Variants in NBEA observed in about 807,000 individuals in gnomAD.
NBEA encodes lysosomal-trafficking regulator 2.
NBEA carries 44 observed loss-of-function variants against 343.4 expected under a neutral mutation model. The ratio of observed to expected loss-of-function variants is 0.13; its 90% CI spans 0.10 to 0.16. NBEA has a LOEUF of 0.16. Among genes scored for constraint, NBEA ranks in the 10% least tolerant of loss-of-function variants. NBEA has a pLI of 1.00. For synonymous variants in NBEA, 1,175 were observed against 1,238.7 expected, an observed-to-expected ratio of 0.95 and a Z score of 1.08; for missense variants, 2,555 against 3,631.3, an observed-to-expected ratio of 0.70 and a Z score of 7.62.
chr13:34,965,882 C>A (rs557892564), intron 1 of NBEA, among the ~76,000 whole-genome samples: 1 of 151,848 alleles, frequency 6.6e-6, no homozygotes, highest in African/African-American at 2.4e-5. Context: ...TTGTTTGTAC[C>A]GAATGTAATA....
chr13:35,666,029 AGAAAGGAGCCTGATGCTTGGAGAAACT>A (rs1424337885), intron 56 of NBEA, among the ~76,000 whole-genome samples: 2 of 152,196 alleles, frequency 1.3e-5, no homozygotes, highest in Admixed American at 6.5e-5. Flanking sequence ...ACTCCCAGGC[AGAAAGGAGCCTGATGCTTGGAGAAACT>A]GAAAGGAGCC....
At chr13:35,328,217 A>G (rs2038702545) in intron 36 of NBEA, among the ~76,000 whole-genome samples, 1 of 152,142 alleles carries the variant, frequency 6.6e-6, no homozygotes, top group East Asian at 1.9e-4. Flanking sequence ...AATAACAAAC[A>G]TGTTAACATA....
At chr13:35,539,326 T>C (rs2153003862) in intron 41 of NBEA, among the ~76,000 whole-genome samples, 1 of 152,226 alleles carries the variant, frequency 6.6e-6, no homozygotes, top group East Asian at 1.9e-4. Flanking sequence ...AGAAGGGATC[T>C]GCCAGTCAGA....
chr13:35,409,533 A>G (rs2152915454), intron 38 of NBEA, among the ~76,000 whole-genome samples: 1 of 152,308 alleles, frequency 6.6e-6, no homozygotes, highest in South Asian at 2.1e-4. Flanking sequence ...ATGATATTTC[A>G]AAGTTCACTG....
intron 40 of NBEA, among the ~76,000 whole-genome samples, chr13:35,471,654 C>T (rs888273671): frequency 5.3e-5 from 8 of 152,220 alleles, no homozygotes; most frequent in Admixed American, 2.0e-4. Flanking sequence ...CCCTGGCAGG[C>T]ACTTCTAGTG....
chr13:35,370,004 C>A (rs2041337063), intron 38 of NBEA, among the ~76,000 whole-genome samples: 1 of 151,822 alleles, frequency 6.6e-6, no homozygotes, highest in African/African-American at 2.4e-5. Context: ...TATTCCATAG[C>A]TATTGGATGA....
intron 13 of NBEA, among the ~76,000 whole-genome samples, chr13:35,114,751 C>A (rs1228152397): frequency 6.6e-6 from 1 of 152,126 alleles, no homozygotes; most frequent in East Asian, 1.9e-4. Context: ...GTGGAATCAG[C>A]ATTTATTTTC....
chr13:35,267,706 A>G (rs2033801362), intron 34 of NBEA, among the ~76,000 whole-genome samples: 3 of 151,952 alleles, frequency 2.0e-5, no homozygotes, highest in Admixed American at 6.6e-5. Context: ...CATTTTTTCA[A>G]AAAAGTACAT....
At chr13:35,062,717 C>G (rs1483350235) in intron 8 of NBEA, among the ~76,000 whole-genome samples, 1 of 151,844 alleles carries the variant, frequency 6.6e-6, no homozygotes, top group Non-Finnish European at 1.5e-5. Context: ...GAAAAAAAAT[C>G]TGTCAACCTA....
chr13:35,465,323 A>C (rs1194171913), intron 40 of NBEA, among the ~76,000 whole-genome samples: 1 of 152,204 alleles, frequency 6.6e-6, no homozygotes, highest in Non-Finnish European at 1.5e-5. Context: ...ACAAGATAAT[A>C]ACCCCTGTCT....
At chr13:35,368,853 A>T (rs1404619310) in intron 38 of NBEA, among the ~76,000 whole-genome samples, 3 of 151,702 alleles carry the variant, frequency 2.0e-5, no homozygotes, top group African/African-American at 7.2e-5. Flanking sequence ...TATCTAAATT[A>T]TACCTAAAAT....
At chr13:35,338,655 G>A (rs377338246) in intron 36 of NBEA, among the ~76,000 whole-genome samples, 4 of 152,018 alleles carry the variant, frequency 2.6e-5, no homozygotes, top group African/African-American at 7.2e-5. Context: ...AGATAAAGTC[G>A]TTTGAAAAGT....
chr13:35,456,073 T>C (rs911952375), intron 40 of NBEA, among the ~76,000 whole-genome samples: 11 of 152,070 alleles, frequency 7.2e-5, no homozygotes, highest in Admixed American at 6.6e-5. Context: ...ATAGTCTATG[T>C]GTGGTCCAAA....
At chr13:35,603,185 C>CA (rs2082133033) in intron 47 of NBEA, among the ~76,000 whole-genome samples, 1 of 152,128 alleles carries the variant, frequency 6.6e-6, no homozygotes, top group Non-Finnish European at 1.5e-5. Context: ...ATTTTTCTGA[C>CA]CATCTGTGTA....
chr13:35,370,423 G>T (rs370407446), intron 38 of NBEA, among the ~76,000 whole-genome samples: 43 of 152,084 alleles, frequency 2.8e-4, no homozygotes, highest in African/African-American at 1.0e-3. Flanking sequence ...GTCTGTATGT[G>T]TCTTTGCAGA....
chr13:35,572,730 TG>T (rs2080498928), intron 45 of NBEA, among the ~76,000 whole-genome samples: 6 of 151,936 alleles, frequency 3.9e-5, no homozygotes, highest in Non-Finnish European at 8.8e-5. Context: ...TTGTTGTTGT[TG>T]TTGTTGTTGT....
intron 48 of NBEA, among the ~76,000 whole-genome samples, chr13:35,626,611 A>G (rs1200401181): frequency 6.6e-6 from 1 of 152,190 alleles, no homozygotes; most frequent in African/African-American, 2.4e-5. Context: ...CTATTTACTC[A>G]TTTTTTAAAT....
intron 1 of NBEA, among the ~76,000 whole-genome samples, chr13:35,012,898 T>G (rs1364856903): frequency 6.6e-6 from 1 of 152,278 alleles, no homozygotes; most frequent in African/African-American, 2.4e-5. Flanking sequence ...AAGAGACTGC[T>G]TAGGATATTA....
intron 40 of NBEA, among the ~76,000 whole-genome samples, chr13:35,470,217 CA>C (rs2075581614): frequency 6.6e-6 from 1 of 152,162 alleles, no homozygotes; most frequent in African/African-American, 2.4e-5. Context: ...ATCTCCTCAA[CA>C]GAAGGATATT....
Sources: allele counts gnomAD v4.1 joint callset (sites outside exome capture counted in the v4.1 genomes callset), GRCh38; gene constraint gnomAD v4.1.1; transcripts MANE v1.5; gene names NCBI Gene and HGNC (gene_info 2026-07-23, HGNC 2026-07-21).